Variants in EPB41L1 observed in about 807,000 individuals in gnomAD.
The protein encoded by EPB41L1 is erythrocyte membrane protein band 4.1 like 1, also known as band 4.1-like protein 1.
A neutral mutation model predicts 97.8 loss-of-function variants in EPB41L1; 29 were observed. That is an observed-to-expected ratio of 0.30 (90% CI 0.22 to 0.40). The LOEUF (loss-of-function observed/expected upper bound fraction) is 0.40. EPB41L1 is among the 10% of genes least tolerant of loss of function. The pLI is 1.00. For missense variants in EPB41L1, 812 were observed against 1,162.3 expected (o/e 0.70, Z 4.38); for synonymous variants, 383 against 459.2 (o/e 0.83, Z 2.12).
intron 1 of EPB41L1, among the ~76,000 whole-genome samples, chr20:36,169,119 G>A (rs57630807): frequency 0.077 from 11,606 of 151,518 alleles, 577 homozygotes; most frequent in African/African-American, 0.14. Flanking sequence ...CCAGTTACTC[G>A]GGAGGCTGAG....
Position 36,185,153 on chromosome 20 carries a change from C to G in EPB41L1, c.603C>G (p.Ile201Met). Residue 201 changes from isoleucine to methionine, a missense_variant, in exon 7 of 22, where the codon ATC becomes ATG. Physicochemically the swap from Ile to Met is conservative, Grantham distance 10. Around this residue, in one of 3 missense-constraint regions of EPB41L1, gnomAD observed 230 missense variants for 445.2 expected, o/e 0.52. Transcript: ENST00000338074. ...YLCLQLRADI[I>M]TGRLPCSFVT... ...GCCTGCAGCTGCGGGCAGACATCAT[C>G]ACGGGCCGGCTGCCATGCTCCTTTG... The G allele has an allele frequency of 6.2e-7, 1 of 1,612,780 alleles. No individual in the cohort carries two copies. Among genetic ancestry groups the G allele is most frequent in the Non-Finnish European group, 8.5e-7 (1 of 1,180,034 alleles).
rs2061329640 is a variant in EPB41L1 at position 36,178,191 on chromosome 20, C to T, written c.447+135C>T. The T allele has an allele frequency of 4.1e-6, 3 of 734,248 alleles. 1 individual carries two copies. The highest frequency in any genetic ancestry group is 3.0e-5 in the South Asian group (2 of 66,236). The allele number at this position is 734,248 out of a possible 1,614,324, so 45.5% of individuals were successfully genotyped here. On this transcript the variant is annotated intron_variant, in intron 4 of 21. Coordinates refer to ENST00000338074, the MANE Select transcript of EPB41L1 (RefSeq NM_012156.2). ...TGCGTGTCCCCAAGGCTCAACCAGC[C>T]CTATCCACCTGCGGTTCCCTGTCTC... is the stretch of plus-strand genomic sequence containing the variant.
intron 2 of EPB41L1, among the ~76,000 whole-genome samples, chr20:36,149,527 A>G (rs916135269): frequency 2.0e-5 from 3 of 152,000 alleles, no homozygotes; most frequent in Non-Finnish European, 4.4e-5. Flanking sequence ...TGGAGGGGGG[A>G]GGTCCCTGCA....
chr20:36,150,030 A>T (rs2059985427), upstream of EPB41L1: 1 of 151,378 alleles, frequency 6.6e-6, no homozygotes, highest in Non-Finnish European at 1.5e-5. Context: ...TATTCAAATG[A>T]TTTGTTTTAT....
Position 36,212,497 on chromosome 20 carries a change from A to T in EPB41L1, c.2184+121A>T. 1 of 808,280 alleles carries T rather than the reference A, an allele frequency of 1.2e-6. No individual in the cohort carries two copies. The highest frequency in any genetic ancestry group is 1.5e-5 in the South Asian group (1 of 65,026). 50.1% of individuals were successfully genotyped at this position (808,280 alleles called of 1,614,324 possible). On this transcript the variant is annotated intron_variant, in intron 16 of 21. Coordinates refer to ENST00000338074, the MANE Select transcript of EPB41L1 (RefSeq NM_012156.2). This position sits in a 1 kb window ranked among gnomAD's most constrained non-coding sequence, Gnocchi z 4.8. ...TAATCTCAGCTTCCCTGGAACCCAT[A>T]TGTTAATCCTGATGCTCTCCTGTGC... is the stretch of plus-strand genomic sequence containing the variant.
At position 36,118,659 on chromosome 20, in the gene EPB41L1, AT is replaced by A. The variant is rs929351442; in HGVS notation, c.-10+6186del. Among the ~76,000 whole-genome samples, 7 of 152,326 alleles carry A rather than the reference AT, an allele frequency of 4.6e-5. 1 individual carries two copies. In the South Asian group the frequency reaches 1.0e-3, roughly 23 times the overall value. On this transcript the variant is annotated intron_variant, in intron 2 of 19. Transcript: ENST00000202028. ...TTTATGGCGTATGAATTATATCTCA[AT>A]TTTTTTAAAAAAGAATACCTGGGAT...
intron 11 of EPB41L1, among the ~76,000 whole-genome samples, chr20:36,193,738 T>C (rs1209457195): frequency 3.9e-5 from 6 of 152,216 alleles, no homozygotes; most frequent in Non-Finnish European, 1.5e-5. Flanking sequence ...TGCTAAATGA[T>C]GATCAAGTGA....
intron 17 of EPB41L1, among the ~76,000 whole-genome samples, chr20:36,214,718 G>C (rs1008169045): frequency 1.3e-5 from 2 of 152,006 alleles, no homozygotes; most frequent in African/African-American, 4.8e-5. Context: ...AGAGAGAGAG[G>C]ATGGTCTTCT....
At chr20:36,208,943 A>T (rs569547892) in intron 14 of EPB41L1, among the ~76,000 whole-genome samples, 6 of 152,246 alleles carry the variant, frequency 3.9e-5, no homozygotes, top group Admixed American at 3.9e-4. Context: ...TCTTCTCTCT[A>T]GTCGATGCTG....
chr20:36,186,659 C>T (rs1480489817), intron 7 of EPB41L1, among the ~76,000 whole-genome samples: 1 of 152,114 alleles, frequency 6.6e-6, no homozygotes, highest in Admixed American at 6.5e-5. Flanking sequence ...GCCTGCCTGC[C>T]ATCTATTTGT....
chr20:36,091,438 C>G (rs1233004034), upstream of EPB41L1: 1 of 152,208 alleles, frequency 6.6e-6, no homozygotes, highest in Non-Finnish European at 1.5e-5. Context: ...TTCTTATGTT[C>G]TCAGCTGCTC....
At chr20:36,114,877 C>T (rs538133388) in intron 2 of EPB41L1, among the ~76,000 whole-genome samples, 5 of 152,016 alleles carry the variant, frequency 3.3e-5, no homozygotes, top group African/African-American at 9.7e-5. Context: ...ATGTAGCTAA[C>T]GTAGGGGCAG....
At chr20:36,174,613 G>T (rs1293087916) in intron 2 of EPB41L1, among the ~76,000 whole-genome samples, 1 of 144,828 alleles carries the variant, frequency 6.9e-6, no homozygotes, top group Non-Finnish European at 1.5e-5. Flanking sequence ...ATGAGGTCTT[G>T]CTATGCTGCC....
intron 1 of EPB41L1, among the ~76,000 whole-genome samples, chr20:36,105,633 G>T (rs76042848): frequency 3.3e-5 from 5 of 152,284 alleles, no homozygotes; most frequent in Non-Finnish European, 7.4e-5. Flanking sequence ...GGGAGTGATG[G>T]GAAGAAGGAG....
chr20:36,198,808 G>A (rs930166698), intron 14 of EPB41L1, among the ~76,000 whole-genome samples: 1 of 152,206 alleles, frequency 6.6e-6, no homozygotes, highest in Non-Finnish European at 1.5e-5. Flanking sequence ...TACGGTTGTG[G>A]TGTAGACTTG....
chr20:36,115,716 A>T (rs1384328490), intron 2 of EPB41L1, among the ~76,000 whole-genome samples: 4 of 151,880 alleles, frequency 2.6e-5, no homozygotes, highest in African/African-American at 9.7e-5. Flanking sequence ...ACATGGTGAA[A>T]CCCCGTCTCT....
intron 2 of EPB41L1, among the ~76,000 whole-genome samples, chr20:36,120,205 T>G (rs2058709210): frequency 6.6e-6 from 1 of 152,270 alleles, no homozygotes; most frequent in Admixed American, 6.5e-5. Context: ...TAAAGTCATT[T>G]AATCCTCATC....
chr20:36,108,045 T>A (rs2058258991), intron 1 of EPB41L1, among the ~76,000 whole-genome samples: 1 of 152,036 alleles, frequency 6.6e-6, no homozygotes, highest in African/African-American at 2.4e-5. Flanking sequence ...GTGAGTGGCA[T>A]GATCATAGCT....
At chr20:36,163,686 C>T (rs531058860) in intron 1 of EPB41L1, among the ~76,000 whole-genome samples, 2 of 152,268 alleles carry the variant, frequency 1.3e-5, no homozygotes, top group Admixed American at 6.5e-5. Context: ...TACTAGCTCT[C>T]GGCCTGAATG....
Sources: gnomAD v4.1 joint callset for allele counts (sites outside exome capture counted in the v4.1 genomes callset) on GRCh38, gnomAD v4.1.1 for gene constraint, gnomAD v4.1.1 regional missense constraint, Gnocchi (gnomAD v3.1) non-coding constraint, MANE v1.5 for transcripts, NCBI Gene and HGNC (gene_info 2026-07-23, HGNC 2026-07-21) for gene names.